Variants in CAP1 observed in about 807,000 individuals in gnomAD.
The protein encoded by CAP1 is cyclase associated actin cytoskeleton regulatory protein 1.
In CAP1, 11 loss-of-function variants were observed where a neutral mutation model predicts 58.2. The observed-to-expected ratio is 0.19, with a 90% CI of 0.12 to 0.31. The LOEUF (loss-of-function observed/expected upper bound fraction) is 0.31. Among genes scored for constraint, CAP1 ranks in the 10% least tolerant of loss-of-function variants. CAP1 has a pLI of 1.00. For synonymous variants in CAP1, 183 were observed against 213.8 expected (o/e 0.86, Z 1.26); for missense variants, 423 against 587.5 (o/e 0.72, Z 2.89).
At chr1:40,040,594 T>C (rs1645765908), upstream of CAP1, 1 of 152,740 alleles carries the variant, frequency 6.5e-6, no homozygotes, top group Admixed American at 6.5e-5. Context: ...CTCCGGGGCG[T>C]GGCGAAGAGG....
intron 5 of CAP1, 51 bp from the exon 6 acceptor site, chr1:40,064,423 G>A (rs1166935050): frequency 7.4e-6 from 12 of 1,612,722 alleles, no homozygotes; most frequent in Non-Finnish European, 1.0e-5. Context: ...TAAGAGGGAA[G>A]GCAATATAGT....
At chr1:40,050,089 G>T (rs1415723749) in intron 1 of CAP1, among the ~76,000 whole-genome samples, 1 of 152,094 alleles carries the variant, frequency 6.6e-6, no homozygotes, top group Non-Finnish European at 1.5e-5. Flanking sequence ...CATCACTGAA[G>T]GTGTTTGAGC....
intron 1 of CAP1, among the ~76,000 whole-genome samples, chr1:40,044,858 A>G (rs61781873): frequency 0.14 from 19,663 of 137,232 alleles, 1,589 homozygotes; most frequent in African/African-American, 0.24. Context: ...GTGCAGTGGC[A>G]CAATCTCGGC....
intron 12 of CAP1, among the ~76,000 whole-genome samples, 194 bp from the exon 13 acceptor site, chr1:40,071,256 A>AC (rs1454942559): frequency 1.3e-5 from 2 of 152,170 alleles, no homozygotes; most frequent in East Asian, 3.9e-4. Context: ...TGTTATTTAC[A>AC]CCCCATAGAC....
chr1:40,054,304 C>T (rs1049443006), intron 1 of CAP1, among the ~76,000 whole-genome samples: 2 of 151,406 alleles, frequency 1.3e-5, no homozygotes, highest in Admixed American at 6.6e-5. Context: ...AATTCTCATG[C>T]CTCAGCCTCC....
intron 4 of CAP1, among the ~76,000 whole-genome samples, chr1:40,062,030 G>A (rs761266292): frequency 6.6e-6 from 1 of 152,086 alleles, no homozygotes; most frequent in Non-Finnish European, 1.5e-5. Context: ...CTGTCATTTT[G>A]CATAGGACTG....
intron 1 of CAP1, among the ~76,000 whole-genome samples, chr1:40,050,071 G>A (rs1570356432): frequency 1.3e-5 from 2 of 152,208 alleles, no homozygotes; most frequent in Admixed American, 6.5e-5. Flanking sequence ...CAGAAGTCTC[G>A]GGTTCTCCAT....
intron 1 of CAP1, among the ~76,000 whole-genome samples, chr1:40,045,011 C>T (rs1646025168): frequency 6.6e-6 from 1 of 151,726 alleles, no homozygotes; most frequent in South Asian, 2.1e-4. Context: ...GTCTTGATCT[C>T]CTGATCTCGT....
At chr1:40,068,986 C>T (rs1041759053) in intron 8 of CAP1, among the ~76,000 whole-genome samples, 1 of 152,126 alleles carries the variant, frequency 6.6e-6, no homozygotes, top group African/African-American at 2.4e-5. Flanking sequence ...CACCTGCCAC[C>T]ACACCCGGCT....
chr1:40,049,820 CT>C (rs1393576169), intron 1 of CAP1, among the ~76,000 whole-genome samples: 1 of 152,162 alleles, frequency 6.6e-6, no homozygotes, highest in African/African-American at 2.4e-5. Context: ...TCATTATTCT[CT>C]TAAGGCCCCC....
chr1:40,058,069 G>T (rs1425297101), intron 1 of CAP1, among the ~76,000 whole-genome samples: 2 of 152,196 alleles, frequency 1.3e-5, no homozygotes, highest in Non-Finnish European at 2.9e-5. Flanking sequence ...AGAGTATACA[G>T]TAAGGAACAA....
intron 8 of CAP1, among the ~76,000 whole-genome samples, chr1:40,069,059 T>A (rs945088652): frequency 2.0e-5 from 3 of 152,172 alleles, no homozygotes; most frequent in Non-Finnish European, 4.4e-5. Context: ...GGTTTTGAAC[T>A]CCTAACTTCA....
chr1:40,052,895 C>G (rs1309559360), intron 1 of CAP1, among the ~76,000 whole-genome samples: 1 of 150,712 alleles, frequency 6.6e-6, no homozygotes, highest in Non-Finnish European at 1.5e-5. Flanking sequence ...TTGAGACCAT[C>G]CTGGCTAACA....
intron 7 of CAP1, chr1:40,067,306 A>G: frequency 2.3e-6 from 1 of 441,814 alleles, no homozygotes; most frequent in Non-Finnish European, 4.0e-6. Context: ...TTAGAGCTGG[A>G]ATCAGGTGAG....
At chr1:40,041,058 G>C (rs141022833) in intron 1 of CAP1, 31 of 152,586 alleles carry the variant, frequency 2.0e-4, no homozygotes, top group African/African-American at 7.0e-4. Context: ...GCGGAGGCCT[G>C]ATTCCTGAGG....
rs1419674757 is a variant in CAP1 at position 40,060,083 on chromosome 1, T to C, written c.129T>C (p.Tyr43=). 3 of 1,613,286 alleles carry C rather than the reference T, an allele frequency of 1.9e-6. No individual in the cohort carries two copies. Among genetic ancestry groups the C allele is most frequent in the South Asian group, 2.2e-5 (2 of 91,064 alleles). The change falls in exon 3 of 13, where the codon TAT becomes TAC. Residue 43 remains tyrosine (Y), a synonymous_variant. Transcript: ENST00000372805. Reference sequence around the variant, plus strand: ...TGTCTTTAGCAGGAGCAGCTCCATATGTGCAGGCATTTGACTCGCTGCTTG... The same window carrying C: ...TGTCTTTAGCAGGAGCAGCTCCATACGTGCAGGCATTTGACTCGCTGCTTG... ...DSPSKAGAAP[Y]VQAFDSLLAG... is the part of the protein sequence containing the mutation.
chr1:40,060,097 A>G lies in CAP1; in HGVS notation c.143A>G (p.Asp48Gly). ...GCAGCTCCATATGTGCAGGCATTTG[A>G]CTCGCTGCTTGCTGGTCCTGTGGCA... is the stretch of plus-strand genomic sequence containing the variant. Reference protein sequence around the residue: ...AGAAPYVQAFDSLLAGPVAEY... With the variant: ...AGAAPYVQAFGSLLAGPVAEY... The change falls in exon 3 of 13, where the codon GAC becomes GGC. Residue 48 changes from aspartate to glycine, a missense_variant. Asp to Gly is a moderately conservative substitution (Grantham distance 94). Coordinates refer to ENST00000372805, the MANE Select transcript of CAP1 (RefSeq NM_006367.4). 1 of 1,613,676 alleles carries G rather than the reference A, an allele frequency of 6.2e-7. No individual in the cohort carries two copies.
Position 40,047,476 on chromosome 1 carries a change from C to T in CAP1, c.-11+6675C>T, listed in dbSNP as rs139191019. Among the ~76,000 whole-genome samples the T allele has an allele frequency of 2.0e-5, 3 of 152,308 alleles. No homozygotes were observed. In the East Asian group the frequency reaches 5.8e-4, roughly 29 times the overall value. ...TTTCCTCCAGAGGGCATTGAAATTC[C>T]TATACTTTAGTTAATTATAGACTTA... On this transcript the variant is annotated intron_variant, in intron 1 of 12. Coordinates refer to ENST00000372805, the MANE Select transcript of CAP1 (RefSeq NM_006367.4).
intron 2 of CAP1, 69 bp from the exon 3 acceptor site, chr1:40,059,998 G>A: frequency 7.6e-7 from 1 of 1,307,398 alleles, no homozygotes; most frequent in South Asian, 1.2e-5. Context: ...CCACTTTCAT[G>A]TAGAAGCACG....
Sources: gnomAD v4.1 joint callset for allele counts (sites outside exome capture counted in the v4.1 genomes callset) on GRCh38, gnomAD v4.1.1 for gene constraint, MANE v1.5 for transcripts, NCBI Gene and HGNC (gene_info 2026-07-23, HGNC 2026-07-21) for gene names.